The following ADRA1B variants were observed in gnomAD, a reference collection of about 807,000 sequenced individuals.
The protein encoded by ADRA1B is alpha-1B adrenergic receptor.
In ADRA1B, 17 loss-of-function variants were observed where a neutral mutation model predicts 17.9. The ratio of observed to expected loss-of-function variants is 0.95; its 90% CI spans 0.65 to 1.42. The LOEUF is 1.42. Ranked by LOEUF, ADRA1B falls within the 40% of genes most tolerant of loss-of-function variation. ADRA1B has a pLI of 0.00. For missense variants in ADRA1B, 681 were observed against 722.1 expected (o/e 0.94, Z 0.65); for synonymous variants, 366 against 327.6 (o/e 1.12, Z -1.27).
At chr5:159,933,381 A>G (rs997351747) in intron 1 of ADRA1B, among the ~76,000 whole-genome samples, 55 of 152,208 alleles carry the variant, frequency 3.6e-4, no homozygotes, top group African/African-American at 1.3e-3. Flanking sequence ...CCTCAGATGT[A>G]TATTGTCAAA....
intron 1 of ADRA1B, among the ~76,000 whole-genome samples, chr5:159,895,468 A>C (rs1190256476): frequency 6.6e-6 from 1 of 152,236 alleles, no homozygotes; most frequent in Non-Finnish European, 1.5e-5. Context: ...ACAAGGGGAC[A>C]CCAAAGTTAC....
chr5:159,981,290 A>G, the ADRA1B span, among the ~76,000 whole-genome samples: 2 of 152,068 alleles, frequency 1.3e-5, no homozygotes, highest in African/African-American at 2.4e-5. Context: ...CCTGACCTCT[A>G]CCTACTAGAT....
intron 1 of ADRA1B, among the ~76,000 whole-genome samples, chr5:159,887,438 C>T (rs904264849): frequency 3.3e-5 from 5 of 152,242 alleles, no homozygotes; most frequent in African/African-American, 9.6e-5. Context: ...GTTGAAAAGA[C>T]TTCAACTATC....
chr5:159,916,761 T>A lies in ADRA1B; in HGVS notation c.-145T>A. The A allele has an allele frequency of 1.4e-6, 1 of 737,948 alleles. No individual in the cohort carries two copies. Among genetic ancestry groups the A allele is most frequent in the Non-Finnish European group, 2.2e-6 (1 of 450,706 alleles). The allele number at this position is 737,948 out of a possible 1,614,324, so 45.7% of individuals were successfully genotyped here. Reference sequence around the variant, plus strand: ...CAGGAGACGTGCTGCCGGGCTGGGCTGCCCGGGGGAGATGACTCCTCGCCA... The same window carrying A: ...CAGGAGACGTGCTGCCGGGCTGGGCAGCCCGGGGGAGATGACTCCTCGCCA... On this transcript the variant is annotated 5_prime_UTR_variant, in exon 1 of 2. Coordinates refer to ENST00000306675, the MANE Select transcript of ADRA1B (RefSeq NM_000679.4).
chr5:159,982,248 G>T, the ADRA1B span, among the ~76,000 whole-genome samples: 1 of 152,188 alleles, frequency 6.6e-6, no homozygotes, highest in Non-Finnish European at 1.5e-5. Flanking sequence ...CACCTAACAG[G>T]TGCCCTAGAA....
chr5:159,927,660 A>G (rs968860964), intron 1 of ADRA1B, among the ~76,000 whole-genome samples: 2 of 152,222 alleles, frequency 1.3e-5, no homozygotes. Flanking sequence ...TCAAAGCATA[A>G]TTATACTTAT....
At chr5:159,937,059 AAG>A (rs1561599346) in intron 1 of ADRA1B, among the ~76,000 whole-genome samples, 1 of 152,174 alleles carries the variant, frequency 6.6e-6, no homozygotes, top group East Asian at 1.9e-4. Flanking sequence ...GGTGCAACCC[AAG>A]CAGTCTGGGT....
intron 1 of ADRA1B, among the ~76,000 whole-genome samples, chr5:159,876,201 A>T (rs556072389): frequency 2.0e-5 from 3 of 152,116 alleles, no homozygotes; most frequent in Non-Finnish European, 4.4e-5. Flanking sequence ...AACAAAACAA[A>T]ACAAAACAAT....
chr5:159,913,232 G>A (rs1045654908), upstream of ADRA1B, among the ~76,000 whole-genome samples: 7 of 152,168 alleles, frequency 4.6e-5, no homozygotes, highest in African/African-American at 1.7e-4. Context: ...TCAGAGCTCT[G>A]TGCTTGACTT....
Position 159,908,839 on chromosome 5 carries a change from G to A in ADRA1B, c.-255-7280G>A, listed in dbSNP as rs146628760. Among the ~76,000 whole-genome samples, 1,425 of 152,290 alleles carry A rather than the reference G, an allele frequency of 9.4e-3. 7 individuals are homozygous for A. The highest frequency in any genetic ancestry group is 0.014 in the Non-Finnish European group (981 of 68,028). ...AGCAGGCAATGCTTACCTGTAAGTGGGTAGCGCTCCAAAGGGCAGGGGAAA... is the reference window on the plus strand; with the variant it reads ...AGCAGGCAATGCTTACCTGTAAGTGAGTAGCGCTCCAAAGGGCAGGGGAAA... On this transcript the variant is annotated intron_variant, in intron 1 of 2. Transcript: ENST00000641205.
chr5:159,962,378 T>C (rs867332005), intron 1 of ADRA1B, among the ~76,000 whole-genome samples: 51 of 147,080 alleles, frequency 3.5e-4, no homozygotes, highest in African/African-American at 1.1e-3. Context: ...TGCTGCCATC[T>C]GTCTGAGTGG....
intron 1 of ADRA1B, among the ~76,000 whole-genome samples, chr5:159,937,070 G>A (rs1754974811): frequency 6.6e-6 from 1 of 152,156 alleles, no homozygotes; most frequent in Non-Finnish European, 1.5e-5. Context: ...AGCAGTCTGG[G>A]TTTTCCCAAG....
chr5:159,984,205 C>T, the ADRA1B span, among the ~76,000 whole-genome samples: 1 of 152,078 alleles, frequency 6.6e-6, no homozygotes, highest in Non-Finnish European at 1.5e-5. Context: ...TTACCTCCTC[C>T]ACTCCCATGA....
At chr5:159,984,275 G>A in the ADRA1B span, among the ~76,000 whole-genome samples, 9 of 152,050 alleles carry the variant, frequency 5.9e-5, no homozygotes, top group African/African-American at 2.2e-4. Flanking sequence ...GCTTTTCATA[G>A]GCATCTCAAA....
the ADRA1B span, among the ~76,000 whole-genome samples, chr5:159,984,656 G>A: frequency 5.9e-5 from 9 of 151,920 alleles, no homozygotes; most frequent in Non-Finnish European, 1.2e-4. Flanking sequence ...CTAGCACTTT[G>A]AGAGGCCGAG....
intron 1 of ADRA1B, among the ~76,000 whole-genome samples, chr5:159,891,414 C>G (rs1006504705): frequency 6.6e-6 from 1 of 152,160 alleles, no homozygotes; most frequent in Admixed American, 6.5e-5. Context: ...AAGACCCAGC[C>G]CCTCAGGGAC....
At chr5:159,967,412 G>A (rs2113292441) in intron 1 of ADRA1B, among the ~76,000 whole-genome samples, 1 of 152,260 alleles carries the variant, frequency 6.6e-6, no homozygotes, top group South Asian at 2.1e-4. Context: ...CTGAGTTCCT[G>A]GAAGAGAATG....
chr5:159,966,537 T>C, intron 1 of ADRA1B, among the ~76,000 whole-genome samples: 1 of 152,072 alleles, frequency 6.6e-6, no homozygotes, highest in African/African-American at 2.4e-5. Context: ...TTGTTCAGGG[T>C]GCAAAGGAGG....
intron 1 of ADRA1B, among the ~76,000 whole-genome samples, chr5:159,969,974 T>G (rs1390557848): frequency 6.6e-6 from 1 of 152,216 alleles, no homozygotes; most frequent in African/African-American, 2.4e-5. Context: ...GAATTTAGTC[T>G]AAATCCCAGA....
Sources: allele counts gnomAD v4.1 joint callset (sites outside exome capture counted in the v4.1 genomes callset), GRCh38; gene constraint gnomAD v4.1.1; transcripts MANE v1.5; gene names NCBI Gene and HGNC (gene_info 2026-07-23, HGNC 2026-07-21).